Variants in FSTL4 observed in about 807,000 individuals in gnomAD.
FSTL4 encodes follistatin like 4, also known as follistatin-related protein 4.
Under a neutral mutation model 78.2 loss-of-function variants are expected in FSTL4, and 28 were observed. The ratio of observed to expected loss-of-function variants is 0.36; its 90% CI spans 0.27 to 0.49. FSTL4 has a LOEUF of 0.49. Among genes scored for constraint, FSTL4 ranks in the 20% least tolerant of loss-of-function variants. FSTL4 has a pLI of 0.98. For missense variants in FSTL4, 922 were observed against 1,084.9 expected (o/e 0.85, Z 2.11); for synonymous variants, 422 against 440.5 (o/e 0.96, Z 0.53).
the FSTL4 span, among the ~76,000 whole-genome samples, chr5:133,705,152 C>T: frequency 2.2e-4 from 34 of 152,122 alleles, no homozygotes; most frequent in African/African-American, 8.0e-4. Flanking sequence ...CCTCTGCCTC[C>T]CAGGTTCAAT....
intron 3 of FSTL4, among the ~76,000 whole-genome samples, chr5:133,515,070 T>A (rs1758826226): frequency 6.6e-6 from 1 of 152,152 alleles, no homozygotes; most frequent in Non-Finnish European, 1.5e-5. Context: ...TATAGAAGAA[T>A]CCCCGATAAG....
chr5:133,203,789 A>G (rs1750404736), intron 14 of FSTL4, among the ~76,000 whole-genome samples: 1 of 152,160 alleles, frequency 6.6e-6, no homozygotes, highest in Non-Finnish European at 1.5e-5. Flanking sequence ...ACAGGCTGTC[A>G]TTGGTCAATG....
At chr5:133,636,612 A>T in the FSTL4 span, among the ~76,000 whole-genome samples, 1 of 152,084 alleles carries the variant, frequency 6.6e-6, no homozygotes, top group African/African-American at 2.4e-5. Context: ...AGAACCTACC[A>T]CTTAGGGGTT....
chr5:133,732,465 A>G, the FSTL4 span, among the ~76,000 whole-genome samples: 24 of 152,252 alleles, frequency 1.6e-4, no homozygotes, highest in East Asian at 3.9e-4. Context: ...AGATGCTTTA[A>G]TTGCCCTTCA....
intron 4 of FSTL4, among the ~76,000 whole-genome samples, chr5:133,346,962 T>C (rs1754708609): frequency 6.6e-6 from 1 of 152,196 alleles, no homozygotes; most frequent in South Asian, 2.1e-4. Flanking sequence ...TAACAACCTG[T>C]TCTTATTTTA....
rs149808737 is a variant in FSTL4, at chr5:133,216,013, G to A, written c.1608+1216C>T. Among the ~76,000 whole-genome samples the A allele has an allele frequency of 8.5e-3, 1,293 of 152,246 alleles. 19 individuals carry two copies. The highest frequency in any genetic ancestry group is 0.029 in the African/African-American group (1,210 of 41,548). On this transcript the variant is annotated intron_variant, in intron 13 of 15. Transcript: ENST00000265342. ...CAAAGTCCCTTTTGCTATATAAGGC[G>A]ACATCCACAGGTTCTGTGGATTAGG...
intron 4 of FSTL4, among the ~76,000 whole-genome samples, chr5:133,352,264 A>T (rs1437316292): frequency 3.6e-5 from 2 of 55,436 alleles, no homozygotes; most frequent in African/African-American, 1.1e-4. Flanking sequence ...ATATATATAT[A>T]CACACATATA....
At chr5:133,801,867 T>A in the FSTL4 span, among the ~76,000 whole-genome samples, 1 of 152,212 alleles carries the variant, frequency 6.6e-6, no homozygotes, top group African/African-American at 2.4e-5. Flanking sequence ...TCATTGCCCC[T>A]TCCAGCCAGC....
intron 3 of FSTL4, among the ~76,000 whole-genome samples, chr5:133,558,103 C>T (rs1039615778): frequency 3.9e-5 from 6 of 152,146 alleles, no homozygotes; most frequent in Admixed American, 6.5e-5. Context: ...GTCTGCAGGA[C>T]GCTTGGGCAT....
the FSTL4 span, among the ~76,000 whole-genome samples, chr5:133,823,246 A>G: frequency 6.6e-6 from 1 of 152,174 alleles, no homozygotes; most frequent in Non-Finnish European, 1.5e-5. Context: ...AAGTAGCTTC[A>G]GCACCCCAGG....
intron 6 of FSTL4, among the ~76,000 whole-genome samples, chr5:133,264,005 T>C (rs556526785): frequency 6.6e-6 from 1 of 152,298 alleles, no homozygotes; most frequent in African/African-American, 2.4e-5. Flanking sequence ...TGGTATACAT[T>C]AGTGCCTCTC....
chr5:133,786,616 G>A, the FSTL4 span, among the ~76,000 whole-genome samples: 2 of 152,216 alleles, frequency 1.3e-5, no homozygotes, highest in African/African-American at 2.4e-5. Flanking sequence ...ACACACCCAG[G>A]GGAGAGGGAT....
Position 133,439,811 on chromosome 5 carries a change from C to T in FSTL4, c.161-38825G>A, listed in dbSNP as rs1757113046. On this transcript the variant is annotated intron_variant, in intron 3 of 15. Coordinates refer to ENST00000265342, the MANE Select transcript of FSTL4 (RefSeq NM_015082.2). ...ACTGGGAAGGCTTTGCCGAAGGGGG[C>T]AGGTACGGGGTTTTCATGTACTTAG... Among the ~76,000 whole-genome samples the T allele has an allele frequency of 3.3e-5, 5 of 152,328 alleles. No homozygotes were observed. The South Asian group carries it at 1.0e-3, about 32-fold the overall frequency.
At chr5:133,682,615 T>C in the FSTL4 span, among the ~76,000 whole-genome samples, 1 of 152,190 alleles carries the variant, frequency 6.6e-6, no homozygotes, top group Non-Finnish European at 1.5e-5. Flanking sequence ...ACAACCCAAT[T>C]TGTGCACCAT....
chr5:133,676,025 A>AC, the FSTL4 span, among the ~76,000 whole-genome samples: 2 of 152,120 alleles, frequency 1.3e-5, no homozygotes, highest in Admixed American at 6.5e-5. Context: ...AGACTCCATG[A>AC]CCAGGTGCCA....
At position 133,221,913 on chromosome 5, in the gene FSTL4, T is replaced by TTTTTTTG. The variant is rs1581540207; in HGVS notation, c.1340-1048_1340-1047insCAAAAAA. ...CTAGTTTTTTTTTTTTTTTTTTTTTTTTTTTTTTTTTTTTAGCATGCTGAG... is the reference window on the plus strand; with the variant it reads ...CTAGTTTTTTTTTTTTTTTTTTTTTTTTTTTTGTTTTTTTTTTTTTTAGCATGCTGAG... On this transcript the variant is annotated intron_variant, in intron 11 of 15. Transcript: ENST00000265342. Among the ~76,000 whole-genome samples, 48 of 97,838 alleles carry TTTTTTTG rather than the reference T, an allele frequency of 4.9e-4. 2 individuals carry two copies. Among genetic ancestry groups the TTTTTTTG allele is most frequent in the East Asian group, 4.5e-3 (14 of 3,112 alleles). The allele number at this position is 97,838 out of a possible 152,430, so 64.2% of individuals were successfully genotyped here.
At chr5:133,830,145 C>G in the FSTL4 span, among the ~76,000 whole-genome samples, 15 of 152,232 alleles carry the variant, frequency 9.9e-5, no homozygotes, top group African/African-American at 3.6e-4. Context: ...ATGAGATAGT[C>G]ATAGCCCTGA....
chr5:133,803,172 T>C, the FSTL4 span, among the ~76,000 whole-genome samples: 1 of 152,192 alleles, frequency 6.6e-6, no homozygotes, highest in South Asian at 2.1e-4. Flanking sequence ...ATGTCTCACT[T>C]TGTGAGTCAA....
chr5:133,473,455 C>G (rs31348), intron 3 of FSTL4, among the ~76,000 whole-genome samples: 119,611 of 152,076 alleles, frequency 0.79, 47,331 homozygotes, highest in African/African-American at 0.86. Context: ...GTAACCACTT[C>G]GACAGCCATC....
Sources: gnomAD v4.1 joint callset for allele counts (sites outside exome capture counted in the v4.1 genomes callset) on GRCh38, gnomAD v4.1.1 for gene constraint, MANE v1.5 for transcripts, NCBI Gene and HGNC (gene_info 2026-07-23, HGNC 2026-07-21) for gene names.